Variants in MKNK1 observed in about 807,000 individuals in gnomAD.
MKNK1 encodes the protein MAP kinase-interacting serine/threonine-protein kinase 1.
Under a neutral mutation model 49.3 loss-of-function variants are expected in MKNK1, and 30 were observed. The observed-to-expected ratio is 0.61, with a 90% CI of 0.46 to 0.83. MKNK1 has a LOEUF of 0.83. MKNK1 is among the 40% of genes least tolerant of loss of function. The pLI, the probability that MKNK1 is intolerant of heterozygous loss-of-function variation, is 0.00. For missense variants in MKNK1, 423 were observed against 524.7 expected (o/e 0.81, Z 1.89); for synonymous variants, 176 against 201.7 (o/e 0.87, Z 1.08).
At chr1:46,567,344 G>T (rs1324304626) in intron 8 of MKNK1, among the ~76,000 whole-genome samples, 2 of 152,118 alleles carry the variant, frequency 1.3e-5, no homozygotes, top group African/African-American at 4.8e-5. Context: ...TGGCTCACTG[G>T]CTATACATGT....
chr1:46,558,600 T>A lies in MKNK1; in HGVS notation c.1214A>T (p.Asp405Val). Residue 405 changes from aspartate (D) to valine (V), a missense_variant, in exon 13 of 13, where the codon GAC becomes GTC. Coordinates refer to ENST00000371945, the MANE Select transcript of MKNK1 (RefSeq NM_001135553.4). ...RALAQAGRGE[D>V]RSPPTAL is the part of the protein sequence containing the mutation. ...TCAGAGTGCTGTGGGCGGGCTCCTG[T>A]CTTCACCACGGCCTGCCTGGGCCAG... 2 of 1,612,962 alleles carry A rather than the reference T, an allele frequency of 1.2e-6. No homozygotes were observed. Among genetic ancestry groups the A allele is most frequent in the Non-Finnish European group, 1.7e-6 (2 of 1,179,516 alleles).
rs555637521 is a variant in MKNK1 at position 46,599,462 on chromosome 1, A to G, written c.-171+4723T>C. Among the ~76,000 whole-genome samples the G allele has an allele frequency of 3.3e-5, 5 of 152,308 alleles. No homozygotes were observed. The South Asian group carries it at 1.0e-3, about 32-fold the overall frequency. ...TTCTACTAGCTAAGGATGGCAATGC[A>G]CTGATTTATGGCACTGTGGGTGCTG... On this transcript the variant is annotated intron_variant, in intron 1 of 12. Coordinates refer to ENST00000371945, the MANE Select transcript of MKNK1 (RefSeq NM_001135553.4).
chr1:46,558,207 TCTTG>T lies in MKNK1; in HGVS notation c.*364_*367del, dbSNP rs1214972163. Reference sequence around the variant, plus strand: ...TCGGCAGCCTCTGTCAACTGATGCTTCTTGCTTCTCCCTGCAGGCTGCAGCCCCA... The same window carrying T: ...TCGGCAGCCTCTGTCAACTGATGCTTCTTCTCCCTGCAGGCTGCAGCCCCA... On this transcript the variant is annotated 3_prime_UTR_variant, in exon 13 of 13. Coordinates refer to ENST00000371945, the MANE Select transcript of MKNK1 (RefSeq NM_001135553.4). 4.8e-6 allele frequency: 1 copy of T among 206,908 alleles called. No individual in the cohort carries two copies. Among genetic ancestry groups the T allele is most frequent in the African/African-American group, 2.3e-5 (1 of 43,428 alleles). The allele number at this position is 206,908 out of a possible 1,614,324, so 12.8% of individuals were successfully genotyped here.
In MKNK1 at chr1:46,568,618, T is replaced by TA. The variant is rs1669523474; in HGVS notation, c.458-121dup. ...AGATTAATTCCCAATTATGGTACATTAAAAAATCAACGAGCTGCAGGAGGC... is the reference window on the plus strand; with the variant it reads ...AGATTAATTCCCAATTATGGTACATTAAAAAAATCAACGAGCTGCAGGAGGC... On this transcript the variant is annotated intron_variant, in intron 7 of 12. Coordinates refer to ENST00000371945, the MANE Select transcript of MKNK1 (RefSeq NM_001135553.4). The TA allele has an allele frequency of 9.3e-6, 9 of 972,866 alleles. 1 individual carries two copies. The South Asian group carries it at 1.2e-4, about 13-fold the overall frequency. The allele number at this position is 972,866 out of a possible 1,614,324, so 60.3% of individuals were successfully genotyped here. A position where few individuals can be genotyped will look rare whatever the true frequency, so the allele number is the denominator to read the frequency against.
chr1:46,603,617 C>T (rs1341023209), intron 1 of MKNK1, among the ~76,000 whole-genome samples: 1 of 152,176 alleles, frequency 6.6e-6, no homozygotes, highest in Non-Finnish European at 1.5e-5. Flanking sequence ...AAACCCAGGA[C>T]TCCCTGACCC....
In MKNK1 at chr1:46,565,102, C is replaced by T. The variant is rs141505843; in HGVS notation, c.548G>A (p.Gly183Asp). ...GGAGTTGTTCAGTTTCATCCCACTGCCCAAGTCAAAGTCACAGATTTTCAC... is the reference window on the plus strand; with the variant it reads ...GGAGTTGTTCAGTTTCATCCCACTGTCCAAGTCAAAGTCACAGATTTTCAC... ...SPVKICDFDL[G>D]SGMKLNNSCT... Residue 183 changes from glycine (G) to aspartate (D), a missense_variant, in exon 9 of 13, where the codon GGC (glycine) becomes GAC (aspartate). Coordinates refer to ENST00000371945, the MANE Select transcript of MKNK1 (RefSeq NM_001135553.4). 4.5e-4 allele frequency: 724 copies of T among 1,614,142 alleles called. No individual in the cohort carries two copies. The highest frequency in any genetic ancestry group is 1.0e-3 in the South Asian group (95 of 91,082).
chr1:46,560,400 G>A, intron 11 of MKNK1, 123 bp from the exon 12 acceptor site: 1 of 1,055,312 alleles, frequency 9.5e-7, no homozygotes, highest in Admixed American at 1.9e-5. Flanking sequence ...AAATGGCTAT[G>A]CTTGCTTGCA....
chr1:46,571,951 GC>G (rs1466290301), intron 7 of MKNK1, 111 bp downstream of exon 7: 3 of 926,952 alleles, frequency 3.2e-6, no homozygotes, highest in Non-Finnish European at 5.1e-6. Flanking sequence ...ACCTCAAGCT[GC>G]CTTCCAGCCA....
chr1:46,600,600 G>A (rs147346592), intron 1 of MKNK1, among the ~76,000 whole-genome samples: 292 of 152,294 alleles, frequency 1.9e-3, no homozygotes, highest in African/African-American at 6.8e-3. Context: ...AGGAGACATT[G>A]CTGGGACAAC....
At chr1:46,581,263 G>C (rs377635642) in intron 3 of MKNK1, among the ~76,000 whole-genome samples, 1 of 150,916 alleles carries the variant, frequency 6.6e-6, no homozygotes, top group Non-Finnish European at 1.5e-5. Context: ...CTGTAGTCCC[G>C]GCACTTTGGG....
intron 11 of MKNK1, 136 bp downstream of exon 11, chr1:46,561,342 C>T (rs1230970490): frequency 2.0e-6 from 2 of 983,808 alleles, no homozygotes; most frequent in Non-Finnish European, 1.4e-6. Context: ...ACTCTACACA[C>T]TCAGGGATAG....
intron 6 of MKNK1, 110 bp from the exon 7 acceptor site, chr1:46,572,277 G>A (rs149969051): frequency 5.9e-6 from 5 of 844,074 alleles, no homozygotes; most frequent in South Asian, 1.6e-5. Flanking sequence ...GTAGTGGCAC[G>A]ATCTCGGCTC....
At chr1:46,567,729 G>A (rs186578346) in intron 8 of MKNK1, among the ~76,000 whole-genome samples, 40 of 152,214 alleles carry the variant, frequency 2.6e-4, no homozygotes, top group African/African-American at 9.4e-4. Flanking sequence ...TGTGAACGTG[G>A]GCCCCAACAC....
intron 6 of MKNK1, chr1:46,572,427 T>A (rs767625519): frequency 7.0e-5 from 20 of 286,106 alleles, no homozygotes; most frequent in Non-Finnish European, 1.1e-4. Flanking sequence ...ACCATGTTGG[T>A]CAGGCTGGTC....
rs371178324 is a variant in MKNK1, at chr1:46,572,204, G to C, written c.353-37C>G. The C allele has an allele frequency of 5.6e-5, 89 of 1,576,056 alleles. No individual in the cohort carries two copies. In the African/African-American group the frequency reaches 1.1e-3, roughly 19 times the overall value. Reference sequence around the variant, plus strand: ...AGGGGACATAGAAGAATGCCTTTTTGGGCTCTAGTAAGTATAAGTTTTTTT... The same window carrying C: ...AGGGGACATAGAAGAATGCCTTTTTCGGCTCTAGTAAGTATAAGTTTTTTT... On this transcript the variant is annotated intron_variant, in intron 6 of 12. Coordinates refer to ENST00000371945, the MANE Select transcript of MKNK1 (RefSeq NM_001135553.4).
intron 11 of MKNK1, 151 bp downstream of exon 11, chr1:46,561,327 G>A (rs1667926132): frequency 6.1e-6 from 5 of 825,326 alleles, no homozygotes; most frequent in South Asian, 2.7e-5. Context: ...AGGAGGAGTC[G>A]ATTCACTCTA....
At chr1:46,604,002 G>C (rs1299390330) in intron 1 of MKNK1, among the ~76,000 whole-genome samples, 183 bp downstream of exon 1, 2 of 151,788 alleles carry the variant, frequency 1.3e-5, no homozygotes, top group Non-Finnish European at 2.9e-5. Flanking sequence ...CAGGCACAGA[G>C]GTCGCAGACA....
At chr1:46,559,345 G>C (rs997373689) in intron 12 of MKNK1, among the ~76,000 whole-genome samples, 2 of 152,234 alleles carry the variant, frequency 1.3e-5, no homozygotes, top group Non-Finnish European at 2.9e-5. Context: ...TAGCAACTGG[G>C]TCACACGAAT....
chr1:46,577,482 AAAT>A (rs1671147918), intron 4 of MKNK1, among the ~76,000 whole-genome samples: 1 of 145,772 alleles, frequency 6.9e-6, no homozygotes, highest in African/African-American at 2.7e-5. Context: ...CCATCTCAAA[AAAT>A]AAATAAATAA....
Sources: gnomAD v4.1 joint callset for allele counts (sites outside exome capture counted in the v4.1 genomes callset) on GRCh38, gnomAD v4.1.1 for gene constraint, MANE v1.5 for transcripts, NCBI Gene and HGNC (gene_info 2026-07-23, HGNC 2026-07-21) for gene names.